The following JAKMIP3 variants were observed in gnomAD, a reference collection of about 807,000 sequenced individuals.
JAKMIP3 encodes Janus kinase and microtubule interacting protein 3, also known as janus kinase and microtubule-interacting protein 3.
Under a neutral mutation model 118.5 loss-of-function variants are expected in JAKMIP3, and 58 were observed. The observed-to-expected ratio is 0.49, with a 90% CI of 0.40 to 0.61. JAKMIP3 has a LOEUF of 0.61. Among genes scored for constraint, JAKMIP3 ranks in the 20% least tolerant of loss-of-function variants. The probability of loss-of-function intolerance (pLI) is 0.00; values close to 1 mark genes in which losing one functional copy is unlikely to be tolerated. For synonymous variants in JAKMIP3, 486 were observed against 451.2 expected, an observed-to-expected ratio of 1.08 and a Z score of -0.98; for missense variants, 950 against 1,109.0, an observed-to-expected ratio of 0.86 and a Z score of 2.04.
At chr10:132,105,488 T>A (rs1483162720) in intron 2 of JAKMIP3, among the ~76,000 whole-genome samples, 1 of 151,686 alleles carries the variant, frequency 6.6e-6, no homozygotes, top group Admixed American at 6.6e-5. Flanking sequence ...ACTTTGGGGC[T>A]TTTGAAGCCT....
chr10:132,066,496 C>T (rs2038800798), intron 1 of JAKMIP3, among the ~76,000 whole-genome samples: 2 of 152,308 alleles, frequency 1.3e-5, no homozygotes, highest in Non-Finnish European at 1.5e-5. Flanking sequence ...AGGCCTGCGG[C>T]GTCCGGGTGC....
At chr10:132,139,049 A>AGTGTGTGTGTGTGTGTGT (rs4009682) in intron 9 of JAKMIP3, among the ~76,000 whole-genome samples, 1 of 150,080 alleles carries the variant, frequency 6.7e-6, no homozygotes. Context: ...CTTTATGTTG[A>AGTGTGTGTGTGTGTGTGT]GTGTGTGTGT....
chr10:132,142,338 A>T (rs1253192934), intron 11 of JAKMIP3, among the ~76,000 whole-genome samples: 4 of 152,188 alleles, frequency 2.6e-5, no homozygotes, highest in Non-Finnish European at 5.9e-5. Context: ...AGGGGCCCAC[A>T]GCGCCCAGGG....
intron 19 of JAKMIP3, 145 bp downstream of exon 19, chr10:132,154,135 G>A (rs2056695765): frequency 1.5e-6 from 1 of 662,596 alleles, no homozygotes; most frequent in Non-Finnish European, 2.6e-6. Flanking sequence ...CTGCACAGCA[G>A]GCTCTGGCTC....
At chr10:132,081,124 A>G (rs2041711481) in intron 1 of JAKMIP3, among the ~76,000 whole-genome samples, 1 of 152,090 alleles carries the variant, frequency 6.6e-6, no homozygotes, top group Non-Finnish European at 1.5e-5. Context: ...TAACTTTTGC[A>G]TAGGGTGTAA....
At chr10:132,172,796 G>C (rs560087818) in intron 23 of JAKMIP3, among the ~76,000 whole-genome samples, 1 of 151,914 alleles carries the variant, frequency 6.6e-6, no homozygotes, top group African/African-American at 2.4e-5. Context: ...TTGGAGAGCA[G>C]TGTGCAGAAA....
upstream of JAKMIP3, among the ~76,000 whole-genome samples, chr10:132,063,445 G>A (rs1173131006): frequency 2.6e-5 from 4 of 152,192 alleles, no homozygotes; most frequent in African/African-American, 9.7e-5. Context: ...GACTAGCAAG[G>A]ATGGTTTTCT....
At chr10:132,068,576 G>A (rs367884046) in intron 1 of JAKMIP3, among the ~76,000 whole-genome samples, 10 of 152,300 alleles carry the variant, frequency 6.6e-5, no homozygotes, top group African/African-American at 2.2e-4. Context: ...GGCTTTGAGC[G>A]ATGTGAGGTA....
intron 2 of JAKMIP3, among the ~76,000 whole-genome samples, chr10:132,110,394 C>A (rs1369532758): frequency 6.6e-6 from 1 of 152,248 alleles, no homozygotes; most frequent in Admixed American, 6.5e-5. Context: ...ATGGGCTCAG[C>A]CTTCTGTGCA....
At chr10:132,149,573 T>G (rs538419412) in intron 15 of JAKMIP3, 63 bp downstream of exon 15, 2 of 266,278 alleles carry the variant, frequency 7.5e-6, no homozygotes, top group Non-Finnish European at 1.1e-5. Flanking sequence ...CCACCCCCTC[T>G]CCGCCCCCGC....
intron 1 of JAKMIP3, among the ~76,000 whole-genome samples, chr10:132,057,700 A>G (rs1291831535): frequency 6.6e-6 from 1 of 152,138 alleles, no homozygotes; most frequent in Non-Finnish European, 1.5e-5. Flanking sequence ...CGAGTACAGC[A>G]GGGGTGTCGA....
intron 23 of JAKMIP3, among the ~76,000 whole-genome samples, chr10:132,171,042 T>A (rs2059437926): frequency 1.3e-5 from 2 of 152,150 alleles, no homozygotes; most frequent in African/African-American, 4.8e-5. Flanking sequence ...CAGAAACCTG[T>A]CCCCGCTGGA....
At chr10:132,103,608 T>G (rs561059950) in intron 1 of JAKMIP3, among the ~76,000 whole-genome samples, 8 of 152,124 alleles carry the variant, frequency 5.3e-5, no homozygotes, top group African/African-American at 1.9e-4. Flanking sequence ...AATCACCTCT[T>G]CTTAGACAAT....
chr10:132,098,194 AT>A (rs1278793938), intron 1 of JAKMIP3, among the ~76,000 whole-genome samples: 1 of 151,124 alleles, frequency 6.6e-6, no homozygotes, highest in Non-Finnish European at 1.5e-5. Context: ...CACCTGGTTA[AT>A]TTATTTGTTG....
rs749445895 is a variant in JAKMIP3 at position 132,154,828 on chromosome 10, A to G, written c.2220+838A>G. On this transcript the variant is annotated intron_variant, in intron 19 of 23. Coordinates refer to ENST00000684848, the MANE Select transcript of JAKMIP3 (RefSeq NM_001323087.2). ...TGGTGATGATTGTGCTGGCAATGGCAATGGTGATGGTGGTGGCGGTGGTGG... is the reference window on the plus strand; with the variant it reads ...TGGTGATGATTGTGCTGGCAATGGCGATGGTGATGGTGGTGGCGGTGGTGG... 7.5e-3 allele frequency among the ~76,000 whole-genome samples: 789 copies of G among 105,822 alleles called. 5 individuals are homozygous for G. Among genetic ancestry groups the G allele is most frequent in the Non-Finnish European group, 9.9e-3 (488 of 49,094 alleles). 69.4% of individuals were successfully genotyped at this position (105,822 alleles called of 152,430 possible). A position where few individuals can be genotyped will look rare whatever the true frequency, so the allele number is the denominator to read the frequency against.
chr10:132,177,138 G>T (rs904834671), intron 23 of JAKMIP3, among the ~76,000 whole-genome samples: 5 of 152,216 alleles, frequency 3.3e-5, no homozygotes, highest in African/African-American at 1.2e-4. Flanking sequence ...CTTACAGCCT[G>T]CGGGCCAGCT....
Position 132,153,923 on chromosome 10 carries a change from G to A in JAKMIP3, c.2153G>A (p.Ser718Asn). 6.2e-7 allele frequency: 1 copy of A among 1,613,180 alleles called. No homozygotes were observed. The highest frequency in any genetic ancestry group is 8.5e-7 in the Non-Finnish European group (1 of 1,179,870). The change falls in exon 19 of 24, where the codon AGT (serine) becomes AAT (asparagine). Residue 718 changes from serine to asparagine, a missense_variant. Ser to Asn is a conservative substitution (Grantham distance 46, BLOSUM62 1). Coordinates refer to ENST00000684848, the MANE Select transcript of JAKMIP3 (RefSeq NM_001323087.2). ...CCTCCTGTGTTTCAGGAGCTGTTCAGTAAGCAGAAGGGCTACCTGGACGAG... is the reference window on the plus strand; with the variant it reads ...CCTCCTGTGTTTCAGGAGCTGTTCAATAAGCAGAAGGGCTACCTGGACGAG... Reference protein sequence around the residue: ...VDLESEKELFSKQKGYLDEEL... With the variant: ...VDLESEKELFNKQKGYLDEEL...
intron 19 of JAKMIP3, 109 bp from the exon 20 acceptor site, chr10:132,163,100 C>A: frequency 1.9e-6 from 2 of 1,076,892 alleles, no homozygotes; most frequent in Non-Finnish European, 2.7e-6. Context: ...TGTTGCATAT[C>A]CTCTTGGCCC....
Position 132,118,400 on chromosome 10 carries a change from G to A in JAKMIP3, c.633+826G>A, listed in dbSNP as rs968018664. Among the ~76,000 whole-genome samples the A allele has an allele frequency of 3.3e-5, 5 of 152,230 alleles. No individual in the cohort carries two copies. The highest frequency in any genetic ancestry group is 1.2e-4 in the African/African-American group (5 of 41,462). ...TTGGGGGAAATGGAGCTCTGTCTTA[G>A]AGGTGCGTGCCCCAGCCCTGTGCCT... On this transcript the variant is annotated intron_variant, in intron 3 of 23. Transcript: ENST00000684848. The surrounding 1 kb of genome is among the most constrained non-coding windows in gnomAD (Gnocchi z 4.8).
Sources: allele counts gnomAD v4.1 joint callset (sites outside exome capture counted in the v4.1 genomes callset), GRCh38; gene constraint gnomAD v4.1.1; non-coding constraint Gnocchi (gnomAD v3.1); transcripts MANE v1.5; gene names NCBI Gene and HGNC (gene_info 2026-07-23, HGNC 2026-07-21).